GPR139: variants seen among roughly 807,000 people sequenced by gnomAD.
The protein encoded by GPR139 is probable G protein-coupled receptor 139.
Under a neutral mutation model 25.8 loss-of-function variants are expected in GPR139, and 12 were observed. The observed-to-expected ratio is 0.47, with a 90% CI of 0.30 to 0.75. The LOEUF (loss-of-function observed/expected upper bound fraction) is 0.75, where lower values mean the gene tolerates loss of function less well. Among genes scored for constraint, GPR139 ranks in the 30% least tolerant of loss-of-function variants. The probability of loss-of-function intolerance (pLI) is 0.07; values close to 1 mark genes in which losing one functional copy is unlikely to be tolerated. For missense variants in GPR139, 380 were observed against 450.2 expected (o/e 0.84, Z 1.41); for synonymous variants, 184 against 179.9 (o/e 1.02, Z -0.18).
intron 1 of GPR139, chr16:20,070,834 T>G: frequency 1.0e-3 from 424 of 404,500 alleles, no homozygotes; most frequent in Non-Finnish European, 1.3e-3. Context: ...GGTGGAGTAA[T>G]GAGAGTTTGC....
rs2057279910 is a variant in GPR139, at chr16:20,029,571, C to T, written c.*2164G>A. On this transcript the variant is annotated 3_prime_UTR_variant, in exon 2 of 2. Transcript: ENST00000570682. ...GTGTAGTGGCGTTGCATCACACACA[C>T]ATTTAATGAACACATGTTCAATTAC... Among the ~76,000 whole-genome samples, 1 of 151,904 alleles carries T rather than the reference C, an allele frequency of 6.6e-6. No homozygotes were observed. Among genetic ancestry groups the T allele is most frequent in the Non-Finnish European group, 1.5e-5 (1 of 68,010 alleles).
chr16:20,032,746 T>C (rs1476946463), intron 1 of GPR139, 77 bp from the exon 2 acceptor site: 1 of 1,031,062 alleles, frequency 9.7e-7, no homozygotes, highest in African/African-American at 1.6e-5. Flanking sequence ...CCTAGGCATA[T>C]GTTTATTTTG....
Position 20,032,383 on chromosome 16 carries a change from C to A in GPR139, c.414G>T (p.Thr138=), listed in dbSNP as rs549998420. 1 of 1,614,102 alleles carries A rather than the reference C, an allele frequency of 6.2e-7. No individual in the cohort carries two copies. The highest frequency in any genetic ancestry group is 2.2e-5 in the East Asian group (1 of 44,880). Residue 138 remains threonine, a synonymous_variant, in exon 2 of 2, where the codon ACG becomes ACT. Coordinates refer to ENST00000570682, the MANE Select transcript of GPR139 (RefSeq NM_001002911.4). ...TCCGGGTGCGGGCTGGGTATGAGAC[C>A]GTGTGGTACTTGAGCGGGTGGCAGA... ...IAVCHPLKYH[T]VSYPARTRKV... is the part of the protein sequence containing the mutation.
rs933955198 is a variant in GPR139 at position 20,073,221 on chromosome 16, A to C, written c.127+269T>G. ...AATGCACCTTCGAATCCATGCTCAC[A>C]TGCCCAGCCCATCGCCCGCCGTCAC... On this transcript the variant is annotated intron_variant, in intron 1 of 1. Transcript: ENST00000570682. This position sits in a 1 kb window ranked among gnomAD's most constrained non-coding sequence, Gnocchi z 4.7. Among the ~76,000 whole-genome samples, 1 of 150,674 alleles carries C rather than the reference A, an allele frequency of 6.6e-6. No individual in the cohort carries two copies. Among genetic ancestry groups the C allele is most frequent in the East Asian group, 2.0e-4 (1 of 5,028 alleles).
At chr16:20,061,695 A>C (rs975126818) in intron 1 of GPR139, among the ~76,000 whole-genome samples, 1 of 152,226 alleles carries the variant, frequency 6.6e-6, no homozygotes, top group African/African-American at 2.4e-5. Flanking sequence ...GGTCACTCAT[A>C]CAGTAAAATT....
chr16:20,032,299 C>A lies in GPR139; in HGVS notation c.498G>T (p.Trp166Cys). 6.2e-7 allele frequency: 1 copy of A among 1,614,132 alleles called. No individual in the cohort carries two copies. The highest frequency in any genetic ancestry group is 8.5e-7 in the Non-Finnish European group (1 of 1,180,032). ...TGTAGTCTTCAGTCCAGATGTTGGG[C>A]CACCAGTAATAGGGGATGCTGGTCA... is the stretch of plus-strand genomic sequence containing the variant. ...CFLTSIPYYW[W>C]PNIWTEDYIS... The change falls in exon 2 of 2, where the codon TGG becomes TGT. Residue 166 changes from tryptophan (W) to cysteine (C), a missense_variant. Coordinates refer to ENST00000570682, the MANE Select transcript of GPR139 (RefSeq NM_001002911.4).
Position 20,073,480 on chromosome 16 carries a change from C to A in GPR139, c.127+10G>T, listed in dbSNP as rs1269067386. ...TCCTGGCTTCCCTCCCTCTCCCCCA[C>A]GCCCCTCACCTGGTAAACCGAGGCA... On this transcript the variant is annotated intron_variant, in intron 1 of 1. Coordinates refer to ENST00000570682, the MANE Select transcript of GPR139 (RefSeq NM_001002911.4). This position sits in a 1 kb window ranked among gnomAD's most constrained non-coding sequence, Gnocchi z 4.7. The A allele has an allele frequency of 1.2e-6, 2 of 1,610,564 alleles. No individual in the cohort carries two copies. The highest frequency in any genetic ancestry group is 1.3e-5 in the African/African-American group (1 of 74,800).
At chr16:20,037,681 A>G (rs1346787471) in intron 1 of GPR139, among the ~76,000 whole-genome samples, 1 of 152,152 alleles carries the variant, frequency 6.6e-6, no homozygotes, top group African/African-American at 2.4e-5. Flanking sequence ...CACAAACAGA[A>G]CAAGTAAGGG....
At chr16:20,052,949 C>T (rs1261954786) in intron 1 of GPR139, among the ~76,000 whole-genome samples, 1 of 151,948 alleles carries the variant, frequency 6.6e-6, no homozygotes, top group Non-Finnish European at 1.5e-5. Context: ...TTTGCTGCAC[C>T]TATCAATCCA....
chr16:20,073,777 T>A lies in GPR139; in HGVS notation c.-161A>T. On this transcript the variant is annotated 5_prime_UTR_variant, in exon 1 of 2. Coordinates refer to ENST00000570682, the MANE Select transcript of GPR139 (RefSeq NM_001002911.4). This position sits in a 1 kb window ranked among gnomAD's most constrained non-coding sequence, Gnocchi z 4.7. The stretch of plus-strand genomic sequence containing the variant: ...TACCCTTGGCCGTGATCCCCTCTGC[T>A]CGCTCCGCACCTGCCCGCCTGGAGT... 1 of 912,550 alleles carries A rather than the reference T, an allele frequency of 1.1e-6. No individual in the cohort carries two copies. The highest frequency in any genetic ancestry group is 1.6e-6 in the Non-Finnish European group (1 of 640,022). The allele number at this position is 912,550 out of a possible 1,614,324, so 56.5% of individuals were successfully genotyped here.
At chr16:20,048,269 T>C (rs979057755) in intron 1 of GPR139, among the ~76,000 whole-genome samples, 1 of 152,150 alleles carries the variant, frequency 6.6e-6, no homozygotes, top group Non-Finnish European at 1.5e-5. Flanking sequence ...AGAGATCTTT[T>C]TGGGACCATT....
intron 1 of GPR139, among the ~76,000 whole-genome samples, chr16:20,048,741 G>T (rs1925500): frequency 0.53 from 80,813 of 151,944 alleles, 22,044 homozygotes; most frequent in East Asian, 0.69. Flanking sequence ...CAATACACAG[G>T]GTGGTCCATG....
chr16:20,048,927 G>T (rs923324795), intron 1 of GPR139, among the ~76,000 whole-genome samples: 10 of 152,162 alleles, frequency 6.6e-5, no homozygotes, highest in African/African-American at 2.2e-4. Context: ...CCATAGCATT[G>T]CATGGGCTAT....
chr16:20,029,478 TAA>T lies in GPR139; in HGVS notation c.*2255_*2256del, dbSNP rs1423605735. Reference sequence around the variant, plus strand: ...CAGAGCTACATGTTTAAAAAATAAATAAATAAATATATATATATATATATATT... The same window carrying T: ...CAGAGCTACATGTTTAAAAAATAAATATAAATATATATATATATATATATT... On this transcript the variant is annotated 3_prime_UTR_variant, in exon 2 of 2. Coordinates refer to ENST00000570682, the MANE Select transcript of GPR139 (RefSeq NM_001002911.4). Among the ~76,000 whole-genome samples the T allele has an allele frequency of 1.3e-4, 3 of 22,906 alleles. No individual in the cohort carries two copies. The highest frequency in any genetic ancestry group is 4.3e-4 in the African/African-American group (3 of 7,008). 15.0% of individuals were successfully genotyped at this position (22,906 alleles called of 152,430 possible).
At chr16:20,068,662 T>C (rs950964443) in intron 1 of GPR139, among the ~76,000 whole-genome samples, 1 of 152,212 alleles carries the variant, frequency 6.6e-6, no homozygotes, top group Non-Finnish European at 1.5e-5. Context: ...ATAGGAGTGG[T>C]GAGAGCAGTC....
intron 1 of GPR139, among the ~76,000 whole-genome samples, chr16:20,062,530 G>A (rs1024494448): frequency 6.6e-6 from 1 of 152,132 alleles, no homozygotes; most frequent in African/African-American, 2.4e-5. Flanking sequence ...TGGTACATAA[G>A]CCCCCTAGTC....
At chr16:20,053,313 T>TG (rs1468111060) in intron 1 of GPR139, among the ~76,000 whole-genome samples, 1 of 152,182 alleles carries the variant, frequency 6.6e-6, no homozygotes, top group Admixed American at 6.5e-5. Context: ...GCATCATTGT[T>TG]GGGTGCTCCC....
chr16:20,034,497 G>T (rs2057303215), intron 1 of GPR139, among the ~76,000 whole-genome samples: 1 of 152,192 alleles, frequency 6.6e-6, no homozygotes, highest in African/African-American at 2.4e-5. Flanking sequence ...TGCAGGCTGT[G>T]TGCAGTGTCC....
At chr16:20,041,392 A>G (rs894501556) in intron 1 of GPR139, among the ~76,000 whole-genome samples, 1 of 151,438 alleles carries the variant, frequency 6.6e-6, no homozygotes, top group Non-Finnish European at 1.5e-5. Flanking sequence ...AGGTGCTCCA[A>G]GGATGGATTT....
Sources: gnomAD v4.1 joint callset for allele counts (sites outside exome capture counted in the v4.1 genomes callset) on GRCh38, gnomAD v4.1.1 for gene constraint, Gnocchi (gnomAD v3.1) non-coding constraint, MANE v1.5 for transcripts, NCBI Gene and HGNC (gene_info 2026-07-23, HGNC 2026-07-21) for gene names.